The following CLDN14 variants were observed in gnomAD, a reference collection of about 807,000 sequenced individuals.
CLDN14 encodes claudin-14.
In CLDN14, 2 loss-of-function variants were observed where a neutral mutation model predicts 2.1. The observed-to-expected ratio is 0.96, with a 90% CI of 0.39 to 3.01. The LOEUF (loss-of-function observed/expected upper bound fraction) is 3.01. Ranked by LOEUF, CLDN14 falls within the 30% of genes most tolerant of loss-of-function variation. The pLI, the probability that CLDN14 is intolerant of heterozygous loss-of-function variation, is 0.09. For synonymous variants in CLDN14, 136 were observed against 154.4 expected (o/e 0.88, Z 0.88); for missense variants, 298 against 328.0 (o/e 0.91, Z 0.71).
intron 1 of CLDN14, among the ~76,000 whole-genome samples, chr21:36,470,087 T>C (rs1243750436): frequency 6.6e-6 from 1 of 152,104 alleles, no homozygotes; most frequent in East Asian, 1.9e-4. Flanking sequence ...CAGGTGGACA[T>C]ACAAACATTT....
rs914154749 is a variant in CLDN14 at position 36,544,002 on chromosome 21, G to A, written c.-220+32409C>T. 6.6e-6 allele frequency among the ~76,000 whole-genome samples: 1 copy of A among 152,218 alleles called. No individual in the cohort carries two copies. The highest frequency in any genetic ancestry group is 2.4e-5 in the African/African-American group (1 of 41,460). Reference sequence around the variant, plus strand: ...CTCAGGATCCCCAAGGCTGCAGCCAGGGAAGCCTGTGTCATGGATTCAACC... The same window carrying A: ...CTCAGGATCCCCAAGGCTGCAGCCAAGGAAGCCTGTGTCATGGATTCAACC... On this transcript the variant is annotated intron_variant, in intron 1 of 2. Transcript: ENST00000342108. The surrounding 1 kb of genome is among the most constrained non-coding windows in gnomAD (Gnocchi z 4.1).
chr21:36,479,469 C>A (rs2086819391), intron 1 of CLDN14, 26 bp downstream of exon 1: 1 of 149,822 alleles, frequency 6.7e-6, no homozygotes. Flanking sequence ...GCCCACCCCA[C>A]ATCCACAGCT....
At chr21:36,571,129 C>T (rs1332923155) in intron 1 of CLDN14, among the ~76,000 whole-genome samples, 1 of 152,228 alleles carries the variant, frequency 6.6e-6, no homozygotes, top group African/African-American at 2.4e-5. Context: ...CGTGAGCCGC[C>T]GTGCCCAGCC....
chr21:36,469,256 G>A (rs1251759511), intron 1 of CLDN14, among the ~76,000 whole-genome samples: 2 of 152,276 alleles, frequency 1.3e-5, no homozygotes, highest in Non-Finnish European at 1.5e-5. Flanking sequence ...CATTTCACAT[G>A]GGCTATACTG....
At chr21:36,485,000 C>CCATGTCTGGCTAATTTT (rs1450841786), upstream of CLDN14, among the ~76,000 whole-genome samples, 206 of 151,440 alleles carry the variant, frequency 1.4e-3, 3 homozygotes, top group Admixed American at 4.2e-3. Context: ...GCATGAGCCA[C>CCATGTCTGGCTAATTTT]TGTACTGGGC....
intron 2 of CLDN14, among the ~76,000 whole-genome samples, chr21:36,496,436 CAAAAAAAAA>C (rs60272055): frequency 3.9e-4 from 37 of 95,504 alleles, no homozygotes; most frequent in African/African-American, 1.4e-3. Context: ...GACCTTGTTT[CAAAAAAAAA>C]AAAAAAAAAA....
intron 1 of CLDN14, among the ~76,000 whole-genome samples, chr21:36,521,876 G>A (rs747540700): frequency 6.6e-5 from 10 of 152,086 alleles, no homozygotes; most frequent in East Asian, 1.9e-4. Context: ...TGGCAGCATC[G>A]TCACGATTCC....
chr21:36,508,248 T>G (rs1258940473), intron 2 of CLDN14, among the ~76,000 whole-genome samples: 3 of 152,162 alleles, frequency 2.0e-5, no homozygotes, highest in African/African-American at 7.2e-5. Flanking sequence ...GTAAAAGGTG[T>G]TTGAGTGATT....
At chr21:36,555,806 AGTGTGT>A (rs142473999) in intron 1 of CLDN14, among the ~76,000 whole-genome samples, 6,161 of 143,322 alleles carry the variant, frequency 0.043, 156 homozygotes, top group Non-Finnish European at 0.055. Context: ...TCTATAGGTC[AGTGTGT>A]GTGTGTGTGT....
At chr21:36,490,336 T>G (rs1282733766) in intron 2 of CLDN14, among the ~76,000 whole-genome samples, 1 of 151,910 alleles carries the variant, frequency 6.6e-6, no homozygotes, top group East Asian at 1.9e-4. Flanking sequence ...CCCAAAGAGC[T>G]GGGACTACAG....
chr21:36,570,883 C>T (rs936904200), intron 1 of CLDN14, among the ~76,000 whole-genome samples: 1 of 152,122 alleles, frequency 6.6e-6, no homozygotes, highest in Non-Finnish European at 1.5e-5. Flanking sequence ...GCTCTGTTGC[C>T]CAGGCTGGAG....
chr21:36,545,171 C>T (rs569748422), intron 1 of CLDN14, among the ~76,000 whole-genome samples: 67 of 152,264 alleles, frequency 4.4e-4, no homozygotes, highest in African/African-American at 6.3e-4. Flanking sequence ...ACCAGAGCAA[C>T]GGGCATTACT....
chr21:36,469,423 T>C (rs2086683762), intron 1 of CLDN14, among the ~76,000 whole-genome samples: 1 of 152,196 alleles, frequency 6.6e-6, no homozygotes, highest in Admixed American at 6.5e-5. Context: ...ACTCTTTCCA[T>C]GAGAGGCAGA....
At chr21:36,486,412 G>A in intron 2 of CLDN14, 1 of 1,235,736 alleles carries the variant, frequency 8.1e-7, no homozygotes, top group Non-Finnish European at 1.2e-6. Context: ...TCCTCATCCT[G>A]CCGCTGCTGC....
chr21:36,505,347 T>C (rs2087123200), intron 2 of CLDN14, among the ~76,000 whole-genome samples: 1 of 152,204 alleles, frequency 6.6e-6, no homozygotes, highest in Non-Finnish European at 1.5e-5. Flanking sequence ...TCAGCCCAGA[T>C]AGCTTTTGAA....
chr21:36,524,574 G>A (rs184151896), intron 1 of CLDN14, among the ~76,000 whole-genome samples: 137 of 152,342 alleles, frequency 9.0e-4, no homozygotes, highest in South Asian at 2.1e-3. Context: ...CCACGTGACC[G>A]TGCTGTGGGC....
At chr21:36,482,113 T>C (rs1430071769), upstream of CLDN14, among the ~76,000 whole-genome samples, 2 of 152,226 alleles carry the variant, frequency 1.3e-5, no homozygotes, top group East Asian at 1.9e-4. Flanking sequence ...AAATGACTCA[T>C]AATGGCTCAA....
rs1555848661 is a variant in CLDN14 at position 36,498,684 on chromosome 21, T to TA, written c.-82+11678_-82+11679insT. Among the ~76,000 whole-genome samples, 5 of 152,204 alleles carry TA rather than the reference T, an allele frequency of 3.3e-5. No individual in the cohort carries two copies. In the East Asian group the frequency reaches 9.6e-4, roughly 29 times the overall value. On this transcript the variant is annotated intron_variant, in intron 2 of 2. Transcript: ENST00000342108. This position sits in a 1 kb window ranked among gnomAD's most constrained non-coding sequence, Gnocchi z 4.9. ...AAAAAATGAACATAGGATCTGGCTG[T>TA]GGCAGACAGCAGCCTACAGAAAGGT...
chr21:36,529,291 T>C (rs1466250527), intron 1 of CLDN14, among the ~76,000 whole-genome samples: 1 of 151,964 alleles, frequency 6.6e-6, no homozygotes, highest in African/African-American at 2.4e-5. Context: ...AAAAACCACA[T>C]CTTTTTTTTT....
Sources: gnomAD v4.1 joint callset for allele counts (sites outside exome capture counted in the v4.1 genomes callset) on GRCh38, gnomAD v4.1.1 for gene constraint, Gnocchi (gnomAD v3.1) non-coding constraint, MANE v1.5 for transcripts, NCBI Gene and HGNC (gene_info 2026-07-23, HGNC 2026-07-21) for gene names.